NRCAM: variants seen among roughly 807,000 people sequenced by gnomAD.
NRCAM encodes the protein NgCAM-related cell adhesion molecule.
A neutral mutation model predicts 156.5 loss-of-function variants in NRCAM; 83 were observed. That is an observed-to-expected ratio of 0.53 (90% CI 0.44 to 0.64). The LOEUF (loss-of-function observed/expected upper bound fraction) is 0.64, where lower values mean the gene tolerates loss of function less well. NRCAM is among the 30% of genes least tolerant of loss of function. NRCAM has a pLI of 0.00. For synonymous variants in NRCAM, 538 were observed against 563.9 expected (o/e 0.95, Z 0.65); for missense variants, 1,417 against 1,597.3 (o/e 0.89, Z 1.92).
chr7:108,162,298 G>A (rs1434402175), intron 30 of NRCAM, among the ~76,000 whole-genome samples: 1 of 152,138 alleles, frequency 6.6e-6, no homozygotes, highest in African/African-American at 2.4e-5. Context: ...TTCCTATTCT[G>A]AGACAGGCAA....
chr7:108,188,838 A>T (rs1312889620), intron 20 of NRCAM, among the ~76,000 whole-genome samples: 1 of 32,218 alleles, frequency 3.1e-5, no homozygotes, highest in Non-Finnish European at 9.6e-5. Flanking sequence ...CTTTACCAGG[A>T]GGTGCAATAA....
At chr7:108,184,663 C>T (rs1280128153) in intron 20 of NRCAM, 49 bp from the exon 21 acceptor site, 1 of 1,556,220 alleles carries the variant, frequency 6.4e-7, no homozygotes, top group Admixed American at 1.7e-5. Context: ...ATTCAGTCAA[C>T]TCAGGGGTAG....
intron 2 of NRCAM, among the ~76,000 whole-genome samples, chr7:108,382,628 G>A (rs2099706697): frequency 1.3e-5 from 2 of 151,816 alleles, no homozygotes; most frequent in South Asian, 2.1e-4. Context: ...AAAGAAGAAA[G>A]AAAAAAGAAA....
At chr7:108,158,571 T>C (rs1563182468) in intron 32 of NRCAM, among the ~76,000 whole-genome samples, 1 of 152,072 alleles carries the variant, frequency 6.6e-6, no homozygotes, top group African/African-American at 2.4e-5. Flanking sequence ...TAGTGAAATA[T>C]TTTATTTCAC....
intron 20 of NRCAM, among the ~76,000 whole-genome samples, chr7:108,185,682 G>A (rs749154528): frequency 6.8e-6 from 1 of 147,850 alleles, no homozygotes; most frequent in Non-Finnish European, 1.5e-5. Context: ...TCAAGCCACT[G>A]CACTCCAGCC....
rs368979405 is a variant in NRCAM at position 108,187,888 on chromosome 7, G to A, written c.2035+1757C>T. On this transcript the variant is annotated intron_variant, in intron 20 of 32. Transcript: ENST00000379028. ...GAGAATGGCGTGAACCCGGGAGGCA[G>A]AGCTTGCAGTGAGCCGAGATCGCGC... Among the ~76,000 whole-genome samples, 1,519 of 152,200 alleles carry A rather than the reference G, an allele frequency of 1.0e-2. 25 individuals carry two copies. Among genetic ancestry groups the A allele is most frequent in the African/African-American group, 0.034 (1,424 of 41,516 alleles).
chr7:108,331,972 G>A (rs916662201), intron 2 of NRCAM, among the ~76,000 whole-genome samples: 5 of 152,146 alleles, frequency 3.3e-5, no homozygotes, highest in Non-Finnish European at 7.3e-5. Flanking sequence ...TGTTAAAGTA[G>A]CCCATAAACT....
At chr7:108,159,849 A>C (rs927673571) in intron 31 of NRCAM, among the ~76,000 whole-genome samples, 18 of 152,228 alleles carry the variant, frequency 1.2e-4, no homozygotes, top group Non-Finnish European at 1.9e-4. Context: ...ATGGTTGAAA[A>C]TTGTTTTTGT....
intron 2 of NRCAM, among the ~76,000 whole-genome samples, chr7:108,338,315 C>T (rs1243567605): frequency 6.6e-6 from 1 of 152,194 alleles, no homozygotes; most frequent in East Asian, 1.9e-4. Flanking sequence ...CTGATCCCTG[C>T]CTCCTAGGTG....
At chr7:108,184,075 A>C (rs536451330) in intron 22 of NRCAM, among the ~76,000 whole-genome samples, 166 bp downstream of exon 22, 2 of 151,572 alleles carry the variant, frequency 1.3e-5, no homozygotes, top group African/African-American at 4.8e-5. Context: ...TAGCAACTAT[A>C]TAATACTGCC....
intron 1 of NRCAM, among the ~76,000 whole-genome samples, chr7:108,412,960 C>T (rs199627340): frequency 5.9e-5 from 9 of 152,144 alleles, no homozygotes; most frequent in South Asian, 2.1e-4. Context: ...ATAAACACTT[C>T]GGTTGATCCA....
intron 3 of NRCAM, among the ~76,000 whole-genome samples, chr7:108,262,707 G>A (rs752371606): frequency 2.0e-5 from 3 of 152,108 alleles, no homozygotes; most frequent in Non-Finnish European, 4.4e-5. Flanking sequence ...TTCTTCTCAG[G>A]TCTCTGCATT....
At chr7:108,214,307 T>C (rs1373118340) in intron 11 of NRCAM, among the ~76,000 whole-genome samples, 1 of 152,238 alleles carries the variant, frequency 6.6e-6, no homozygotes, top group African/African-American at 2.4e-5. Flanking sequence ...ATTTGACTTC[T>C]TCCTAGTTTA....
intron 13 of NRCAM, among the ~76,000 whole-genome samples, chr7:108,200,735 AATACAC>A (rs1341910117): frequency 9.0e-6 from 1 of 111,234 alleles, no homozygotes; most frequent in Non-Finnish European, 1.8e-5. Flanking sequence ...TGGATAAAGA[AATACAC>A]ACACACACAC....
intron 2 of NRCAM, among the ~76,000 whole-genome samples, chr7:108,379,284 G>A (rs1188588633): frequency 3.3e-5 from 5 of 152,106 alleles, no homozygotes; most frequent in East Asian, 1.9e-4. Context: ...ATAAAGGAAC[G>A]TATAATGAAA....
At chr7:108,166,490 C>T (rs963125733) in intron 30 of NRCAM, among the ~76,000 whole-genome samples, 2 of 151,868 alleles carry the variant, frequency 1.3e-5, no homozygotes, top group South Asian at 2.1e-4. Context: ...TCAGGTGATC[C>T]GCCTGCCTCG....
intron 11 of NRCAM, among the ~76,000 whole-genome samples, chr7:108,219,923 T>C (rs987972479): frequency 6.6e-6 from 1 of 152,168 alleles, no homozygotes; most frequent in African/African-American, 2.4e-5. Flanking sequence ...CACTGTTTGC[T>C]GATGATATGA....
Position 108,181,864 on chromosome 7 carries a change from T to C in NRCAM, c.2604A>G (p.Pro868=). The C allele has an allele frequency of 6.2e-7, 1 of 1,614,166 alleles. No individual in the cohort carries two copies. Among genetic ancestry groups the C allele is most frequent in the Non-Finnish European group, 8.5e-7 (1 of 1,180,012 alleles). ...NSTLAEVHWD[P]VPLKSIRGHL... is the part of the protein sequence containing the mutation. Reference sequence around the variant, plus strand: ...GTCCTCGGATGCTTTTCAGAGGTACTGGGTCCCAGTGCACCTCGGCTAAGG... The same window carrying C: ...GTCCTCGGATGCTTTTCAGAGGTACCGGGTCCCAGTGCACCTCGGCTAAGG... The change falls in exon 24 of 33, where the codon CCA becomes CCG. Residue 868 remains proline, a synonymous_variant. Transcript: ENST00000379028.
In NRCAM at chr7:108,148,406, C is replaced by G. The variant is rs903970243; in HGVS notation, c.*1504G>C. The G allele has an allele frequency of 1.3e-5, 2 of 152,584 alleles. No homozygotes were observed. Among genetic ancestry groups the G allele is most frequent in the Non-Finnish European group, 2.9e-5 (2 of 68,028 alleles). 9.5% of individuals were successfully genotyped at this position (152,584 alleles called of 1,614,324 possible). A position where few individuals can be genotyped will look rare whatever the true frequency, so the allele number is the denominator to read the frequency against. The stretch of plus-strand genomic sequence containing the variant: ...AAATATCTACATATAAAAAGCTTTA[C>G]TTAAAATTAAACTTGATGCAAGTTA... On this transcript the variant is annotated 3_prime_UTR_variant, in exon 33 of 33. Coordinates refer to ENST00000379028, the MANE Select transcript of NRCAM (RefSeq NM_001037132.4).
Sources: allele counts gnomAD v4.1 joint callset (sites outside exome capture counted in the v4.1 genomes callset), GRCh38; gene constraint gnomAD v4.1.1; transcripts MANE v1.5; gene names NCBI Gene and HGNC (gene_info 2026-07-23, HGNC 2026-07-21).